Variants in DLGAP3 observed in about 807,000 individuals in gnomAD.
DLGAP3 encodes DLG associated protein 3.
Under a neutral mutation model 81.2 loss-of-function variants are expected in DLGAP3, and 17 were observed. That is an observed-to-expected ratio of 0.21 (90% CI 0.14 to 0.31). The LOEUF (loss-of-function observed/expected upper bound fraction) is 0.31. Ranked by LOEUF, DLGAP3 falls within the 10% of genes least tolerant of loss-of-function variation. The pLI is 1.00. For synonymous variants in DLGAP3, 577 were observed against 587.4 expected (o/e 0.98, Z 0.26); for missense variants, 1,124 against 1,388.0 (o/e 0.81, Z 3.02).
chr1:34,892,146 C>T (rs1431866013), intron 5 of DLGAP3, among the ~76,000 whole-genome samples: 1 of 152,012 alleles, frequency 6.6e-6, no homozygotes, highest in Non-Finnish European at 1.5e-5. Flanking sequence ...TTCATGAATA[C>T]AAATCACAAC....
chr1:34,866,788 C>T (rs1011896390), intron 11 of DLGAP3, among the ~76,000 whole-genome samples: 1 of 151,670 alleles, frequency 6.6e-6, no homozygotes. Context: ...GCCGCCACCC[C>T]CCCAACCCCG....
chr1:34,877,120 G>A (rs767952290), intron 8 of DLGAP3, among the ~76,000 whole-genome samples: 4 of 152,230 alleles, frequency 2.6e-5, no homozygotes, highest in African/African-American at 4.8e-5. Context: ...TCTAAGCCAA[G>A]TGAACCACAG....
intron 2 of DLGAP3, among the ~76,000 whole-genome samples, chr1:34,905,678 A>G (rs1639539979): frequency 6.6e-6 from 1 of 152,108 alleles, no homozygotes; most frequent in East Asian, 1.9e-4. Context: ...CTTATTCACA[A>G]GAGGATATTC....
At chr1:34,924,991 C>A (rs1446766185) in intron 1 of DLGAP3, among the ~76,000 whole-genome samples, 3 of 152,168 alleles carry the variant, frequency 2.0e-5, no homozygotes. Context: ...GGGACAGCTC[C>A]GAAGGAGCAA....
intron 1 of DLGAP3, among the ~76,000 whole-genome samples, chr1:34,911,023 C>CT (rs957247676): frequency 4.6e-3 from 35 of 7,618 alleles, no homozygotes; most frequent in Middle Eastern, 0.056. Context: ...ATATTATCCA[C>CT]CCCCCCCCCA....
At chr1:34,901,735 G>A (rs986862882) in intron 3 of DLGAP3, among the ~76,000 whole-genome samples, 1 of 152,198 alleles carries the variant, frequency 6.6e-6, no homozygotes, top group African/African-American at 2.4e-5. Flanking sequence ...TCAATGACAG[G>A]GAGTTTGGAA....
chr1:34,895,910 T>TCACACA lies in DLGAP3; in HGVS notation c.1386+3753_1386+3758dup, dbSNP rs1470601160. ...CATAAAGCTGGACCCCTAACTTGAA[T>TCACACA]CACACATACACACACACACACACAC... is the stretch of plus-strand genomic sequence containing the variant. On this transcript the variant is annotated intron_variant, in intron 5 of 11. Coordinates refer to ENST00000373347, the MANE Select transcript of DLGAP3 (RefSeq NM_001080418.3). The surrounding 1 kb of genome is among the most constrained non-coding windows in gnomAD (Gnocchi z 4.5). Among the ~76,000 whole-genome samples, 2 of 123,534 alleles carry TCACACA rather than the reference T, an allele frequency of 1.6e-5. No homozygotes were observed. The highest frequency in any genetic ancestry group is 3.5e-5 in the Non-Finnish European group (2 of 56,986). The allele number at this position is 123,534 out of a possible 152,430, so 81.0% of individuals were successfully genotyped here. A position where few individuals can be genotyped will look rare whatever the true frequency, so the allele number is the denominator to read the frequency against.
intron 8 of DLGAP3, among the ~76,000 whole-genome samples, chr1:34,871,651 T>C (rs528733953): frequency 6.6e-6 from 1 of 152,334 alleles, no homozygotes; most frequent in South Asian, 2.1e-4. Context: ...GTTGCTCCAA[T>C]AAATACGTGC....
chr1:34,866,998 G>A (rs755055120), intron 11 of DLGAP3, 50 bp downstream of exon 11: 5 of 1,609,230 alleles, frequency 3.1e-6, no homozygotes, highest in Admixed American at 1.7e-5. Flanking sequence ...CTCTGGGGAG[G>A]GGAATTTCCC....
At chr1:34,927,642 C>T (rs1048812763) in intron 1 of DLGAP3, among the ~76,000 whole-genome samples, 15 of 152,082 alleles carry the variant, frequency 9.9e-5, no homozygotes, top group African/African-American at 3.6e-4. Context: ...CCTTTTTAGA[C>T]CCTGATTCAC....
In DLGAP3 at chr1:34,885,774, C is replaced by A. The variant is rs1490606096; in HGVS notation, c.1618G>T (p.Ala540Ser). Residue 540 changes from alanine (A) to serine (S), a missense_variant, in exon 7 of 12, where the codon GCC (alanine) becomes TCC (serine). Physicochemically the swap from Ala to Ser is moderately conservative, Grantham distance 99. Around this residue, in one of 9 missense-constraint regions of DLGAP3, gnomAD observed 379 missense variants for 455.7 expected, o/e 0.83. Coordinates refer to ENST00000373347, the MANE Select transcript of DLGAP3 (RefSeq NM_001080418.3). ...CTTCCCGGCGGGATGGGGGGCGGGG[C>A]CTTTCTGAAGTTGAAGGCTGTGGCC... is the stretch of plus-strand genomic sequence containing the variant. ...RPGSSFNFRKAPPPIPPGSQA... is the reference protein window; with the variant it reads ...RPGSSFNFRKSPPPIPPGSQA... 1 of 1,402,760 alleles carries A rather than the reference C, an allele frequency of 7.1e-7. No individual in the cohort carries two copies. Among genetic ancestry groups the A allele is most frequent in the Non-Finnish European group, 9.2e-7 (1 of 1,086,822 alleles). The allele number at this position is 1,402,760 out of a possible 1,614,324, so 86.9% of individuals were successfully genotyped here.
intron 8 of DLGAP3, among the ~76,000 whole-genome samples, chr1:34,880,691 A>C (rs1310737093): frequency 2.0e-5 from 3 of 152,214 alleles, no homozygotes; most frequent in Non-Finnish European, 4.4e-5. Context: ...TGTCTCAAAA[A>C]AAAAAAGAAG....
chr1:34,873,417 C>T lies in DLGAP3; in HGVS notation c.2001-4328G>A, dbSNP rs190479711. Among the ~76,000 whole-genome samples the T allele has an allele frequency of 7.2e-5, 11 of 152,280 alleles. No homozygotes were observed. The East Asian group carries it at 1.5e-3, about 21-fold the overall frequency. On this transcript the variant is annotated intron_variant, in intron 8 of 11. Coordinates refer to ENST00000373347, the MANE Select transcript of DLGAP3 (RefSeq NM_001080418.3). The surrounding 1 kb of genome is among the most constrained non-coding windows in gnomAD (Gnocchi z 4.2). ...AGGCCCGTGTGCTCTGGAGCCTTGC[C>T]CGGGTCCAAAACCCAGCTCGGTGGC...
intron 8 of DLGAP3, among the ~76,000 whole-genome samples, chr1:34,878,914 C>CA (rs941162119): frequency 4.0e-5 from 6 of 151,296 alleles, no homozygotes; most frequent in South Asian, 2.1e-4. Flanking sequence ...ACTAAAAATA[C>CA]AAAAAAAATT....
At chr1:34,885,204 C>A in intron 7 of DLGAP3, 141 bp from the exon 8 acceptor site, 1 of 893,516 alleles carries the variant, frequency 1.1e-6, no homozygotes, top group Non-Finnish European at 1.8e-6. Flanking sequence ...ATGAGAGACC[C>A]AGGCGGTCGG....
Position 34,866,001 on chromosome 1 carries a change from G to A in DLGAP3, c.*82C>T. 1 of 1,255,338 alleles carries A rather than the reference G, an allele frequency of 8.0e-7. No homozygotes were observed. Among genetic ancestry groups the A allele is most frequent in the South Asian group, 1.3e-5 (1 of 77,592 alleles). The allele number at this position is 1,255,338 out of a possible 1,614,324, so 77.8% of individuals were successfully genotyped here. ...GTGGGGCGGGCGCACGGGGCGGCCC[G>A]CGTTCACAGTGACCTCGACGCTGGG... On this transcript the variant is annotated 3_prime_UTR_variant, in exon 12 of 12. Transcript: ENST00000373347.
At chr1:34,897,510 A>AGGGAGGGGAACAGCCTT (rs1639397034) in intron 5 of DLGAP3, among the ~76,000 whole-genome samples, 1 of 152,100 alleles carries the variant, frequency 6.6e-6, no homozygotes, top group East Asian at 1.9e-4. Flanking sequence ...CTGGAGTGGG[A>AGGGAGGGGAACAGCCTT]GGGAGGGGAA....
chr1:34,922,338 A>G (rs1183052413), intron 1 of DLGAP3, among the ~76,000 whole-genome samples: 1 of 152,262 alleles, frequency 6.6e-6, no homozygotes, highest in African/African-American at 2.4e-5. Flanking sequence ...GCTGTTGGGA[A>G]GACACTTTTG....
chr1:34,904,640 C>T lies in DLGAP3; in HGVS notation c.744G>A (p.Lys248=), dbSNP rs1046515807. 3 of 1,614,208 alleles carry T rather than the reference C, an allele frequency of 1.9e-6. No homozygotes were observed. The highest frequency in any genetic ancestry group is 2.5e-6 in the Non-Finnish European group (3 of 1,180,032). Residue 248 remains lysine (K), a synonymous_variant, in exon 3 of 12, where the codon AAG becomes AAA. Transcript: ENST00000373347. This position sits in a 1 kb window ranked among gnomAD's most constrained non-coding sequence, Gnocchi z 8.1. ...ACTTGGCCTGGTGCCGCCCATCCCCCTTGCGGTCCTTGCTCTTGCTCCTCT... is the reference window on the plus strand; with the variant it reads ...ACTTGGCCTGGTGCCGCCCATCCCCTTTGCGGTCCTTGCTCTTGCTCCTCT... ...HGKRSKSKDR[K]GDGRHQAKST...
Sources: allele counts gnomAD v4.1 joint callset (sites outside exome capture counted in the v4.1 genomes callset), GRCh38; gene constraint gnomAD v4.1.1; regional missense constraint gnomAD v4.1.1; non-coding constraint Gnocchi (gnomAD v3.1); transcripts MANE v1.5; gene names NCBI Gene and HGNC (gene_info 2026-07-23, HGNC 2026-07-21).